CSMD1: variants seen among roughly 807,000 people sequenced by gnomAD.
CSMD1 encodes the protein CUB and Sushi multiple domains 1.
Under a neutral mutation model 417.5 loss-of-function variants are expected in CSMD1, and 213 were observed. The observed-to-expected ratio is 0.51, with a 90% confidence interval of 0.46 to 0.57. The LOEUF (loss-of-function observed/expected upper bound fraction) is 0.57. CSMD1 is among the 20% of genes least tolerant of loss of function. The pLI is 0.00. For missense variants in CSMD1, 6,923 were observed against 4,529.7 expected (o/e 1.53, Z -15.17); for synonymous variants, 2,862 against 1,736.8 (o/e 1.65, Z -16.11).
chr8:4,049,359 G>A (rs1585205664), intron 3 of CSMD1, among the ~76,000 whole-genome samples: 2 of 151,696 alleles, frequency 1.3e-5, no homozygotes, highest in Non-Finnish European at 2.9e-5. Flanking sequence ...AGCTCCTAGA[G>A]TTCTAACAAT....
At chr8:3,404,740 T>A (rs1812243734) in intron 15 of CSMD1, among the ~76,000 whole-genome samples, 1 of 152,076 alleles carries the variant, frequency 6.6e-6, no homozygotes, top group African/African-American at 2.4e-5. Context: ...TACAAAGTTA[T>A]TATCATGAGA....
intron 3 of CSMD1, among the ~76,000 whole-genome samples, chr8:4,329,635 C>T (rs1799757340): frequency 6.6e-6 from 1 of 152,036 alleles, no homozygotes; most frequent in Non-Finnish European, 1.5e-5. Flanking sequence ...TATGCCCAAA[C>T]CTCAGTGATA....
At chr8:4,240,127 C>A (rs1272584489) in intron 3 of CSMD1, among the ~76,000 whole-genome samples, 2 of 152,114 alleles carry the variant, frequency 1.3e-5, no homozygotes, top group African/African-American at 4.8e-5. Context: ...ATTTTTCTAT[C>A]TAAAAGTAAA....
intron 1 of CSMD1, among the ~76,000 whole-genome samples, chr8:4,667,195 T>C (rs1804993478): frequency 6.6e-6 from 1 of 152,176 alleles, no homozygotes; most frequent in African/African-American, 2.4e-5. Context: ...TCTATTTTGT[T>C]CCATAGATTA....
At position 2,967,897 on chromosome 8, in the gene CSMD1, CT is replaced by C. The variant is rs758361911; in HGVS notation, c.8924-1152del. Among the ~76,000 whole-genome samples, 130 of 152,222 alleles carry C rather than the reference CT, an allele frequency of 8.5e-4. 1 individual carries two copies. Among genetic ancestry groups the C allele is most frequent in the Non-Finnish European group, 3.5e-4 (24 of 68,014 alleles). On this transcript the variant is annotated intron_variant, in intron 57 of 69. Transcript: ENST00000635120. The stretch of plus-strand genomic sequence containing the variant: ...CACTTGTGCTCAGGTTGAACTGGAT[CT>C]TGTTTGAAAAAAATAATACAAAGTG...
rs192231528 is a variant in CSMD1, at chr8:4,074,531, T to C, written c.416-42432A>G. Among the ~76,000 whole-genome samples, 450 of 152,240 alleles carry C rather than the reference T, an allele frequency of 3.0e-3. 2 individuals are homozygous for C. The highest frequency in any genetic ancestry group is 0.01 in the African/African-American group (426 of 41,562). ...TTACAAAACATGATATTTGAGAACA[T>C]GAGCTACCATAAATATTCCCAGTGG... is the stretch of plus-strand genomic sequence containing the variant. On this transcript the variant is annotated intron_variant, in intron 3 of 69. Coordinates refer to ENST00000635120, the MANE Select transcript of CSMD1 (RefSeq NM_033225.6).
intron 7 of CSMD1, among the ~76,000 whole-genome samples, chr8:3,679,958 G>A (rs977442436): frequency 1.3e-5 from 2 of 152,052 alleles, no homozygotes; most frequent in Admixed American, 6.5e-5. Context: ...CGAAATGAAG[G>A]CAGAAATAAA....
chr8:4,338,253 A>G (rs964885790), intron 3 of CSMD1, among the ~76,000 whole-genome samples: 2 of 152,208 alleles, frequency 1.3e-5, no homozygotes, highest in African/African-American at 2.4e-5. Context: ...AATAGTTGCA[A>G]TATTCCATAG....
chr8:3,386,998 T>C (rs947212122), intron 18 of CSMD1, among the ~76,000 whole-genome samples: 4 of 152,192 alleles, frequency 2.6e-5, no homozygotes, highest in Admixed American at 2.6e-4. Context: ...CAGGAGTGGC[T>C]GTTATCACAA....
chr8:4,892,260 C>A (rs1804170364), intron 1 of CSMD1, among the ~76,000 whole-genome samples: 1 of 152,058 alleles, frequency 6.6e-6, no homozygotes, highest in Non-Finnish European at 1.5e-5. Flanking sequence ...GGTAATACCA[C>A]CTGGGTAGCC....
chr8:4,331,072 C>G (rs971710540), intron 3 of CSMD1, among the ~76,000 whole-genome samples: 1 of 152,188 alleles, frequency 6.6e-6, no homozygotes, highest in Non-Finnish European at 1.5e-5. Flanking sequence ...ATTTTTGTTT[C>G]TTATTCTCCA....
intron 26 of CSMD1, among the ~76,000 whole-genome samples, chr8:3,251,544 CG>C (rs1462020788): frequency 6.6e-6 from 1 of 151,962 alleles, no homozygotes; most frequent in African/African-American, 2.4e-5. Flanking sequence ...CTTGGCGATG[CG>C]GGCTCTTTTT....
At chr8:3,906,846 C>T (rs1471971669) in intron 5 of CSMD1, among the ~76,000 whole-genome samples, 5 of 152,114 alleles carry the variant, frequency 3.3e-5, no homozygotes, top group Admixed American at 6.5e-5. Context: ...ACAGCATTGT[C>T]ATTTTGTACA....
At chr8:4,152,083 A>G (rs1040033207) in intron 3 of CSMD1, among the ~76,000 whole-genome samples, 1 of 152,138 alleles carries the variant, frequency 6.6e-6, no homozygotes, top group African/African-American at 2.4e-5. Flanking sequence ...GAACTTTCCC[A>G]AAGTCCAGAT....
intron 1 of CSMD1, among the ~76,000 whole-genome samples, chr8:4,751,608 A>G (rs1404433295): frequency 6.6e-6 from 1 of 152,180 alleles, no homozygotes; most frequent in Non-Finnish European, 1.5e-5. Flanking sequence ...TATTCAGGAT[A>G]AATAAATAGC....
intron 37 of CSMD1, among the ~76,000 whole-genome samples, chr8:3,177,133 T>C (rs1282790184): frequency 6.6e-6 from 1 of 152,122 alleles, no homozygotes; most frequent in Non-Finnish European, 1.5e-5. Flanking sequence ...AGCCGCATGC[T>C]ACGTGTGAAG....
chr8:4,758,464 G>A (rs1811814438), intron 1 of CSMD1, among the ~76,000 whole-genome samples: 1 of 152,146 alleles, frequency 6.6e-6, no homozygotes, highest in Non-Finnish European at 1.5e-5. Flanking sequence ...GAGCAAGGAA[G>A]GAGCTCAGAA....
chr8:4,597,116 T>A (rs1473372333), intron 2 of CSMD1, among the ~76,000 whole-genome samples: 1 of 152,068 alleles, frequency 6.6e-6, no homozygotes, highest in African/African-American at 2.4e-5. Flanking sequence ...CACAATTTTT[T>A]TTTTTCTAGC....
intron 6 of CSMD1, among the ~76,000 whole-genome samples, chr8:3,717,323 T>C (rs2129043228): frequency 6.6e-6 from 1 of 152,346 alleles, no homozygotes; most frequent in South Asian, 2.1e-4. Flanking sequence ...TGTATGTCAG[T>C]TGTTTAAATA....
Sources: allele counts gnomAD v4.1 joint callset (sites outside exome capture counted in the v4.1 genomes callset), GRCh38; gene constraint gnomAD v4.1.1; transcripts MANE v1.5; gene names NCBI Gene and HGNC (gene_info 2026-07-23, HGNC 2026-07-21).